RIN3: variants seen among roughly 807,000 people sequenced by gnomAD.
RIN3 encodes the protein Ras and Rab interactor 3.
RIN3 carries 54 observed loss-of-function variants against 76.3 expected under a neutral mutation model. The ratio of observed to expected loss-of-function variants is 0.71; its 90% CI spans 0.57 to 0.89. The LOEUF (loss-of-function observed/expected upper bound fraction) is 0.89, where lower values mean the gene tolerates loss of function less well. Ranked by LOEUF, RIN3 falls within the 40% of genes least tolerant of loss-of-function variation. RIN3 has a pLI of 0.00. For missense variants in RIN3, 1,256 were observed against 1,322.1 expected (o/e 0.95, Z 0.78); for synonymous variants, 576 against 564.0 (o/e 1.02, Z -0.30).
At chr14:92,552,449 TG>T (rs1897453870) in intron 1 of RIN3, among the ~76,000 whole-genome samples, 1 of 152,198 alleles carries the variant, frequency 6.6e-6, no homozygotes, top group South Asian at 2.1e-4. Context: ...TGTAGCTAGC[TG>T]GAAGCCCAGC....
At chr14:92,683,044 A>C (rs1421351719) in intron 8 of RIN3, among the ~76,000 whole-genome samples, 3 of 152,062 alleles carry the variant, frequency 2.0e-5, no homozygotes, top group Non-Finnish European at 2.9e-5. Flanking sequence ...GTGCGTGCCT[A>C]TAATCCCAGC....
intron 3 of RIN3, among the ~76,000 whole-genome samples, chr14:92,601,624 T>C (rs1034336138): frequency 1.3e-5 from 2 of 152,048 alleles, no homozygotes; most frequent in African/African-American, 2.4e-5. Context: ...GAACAAAGTG[T>C]TTTTTCTCAA....
At chr14:92,614,211 G>A (rs142117971) in intron 3 of RIN3, among the ~76,000 whole-genome samples, 7 of 152,256 alleles carry the variant, frequency 4.6e-5, no homozygotes, top group East Asian at 1.9e-4. Context: ...GGTAGCCCTC[G>A]CCCTTGGGTG....
chr14:92,526,226 C>G (rs534956700), intron 1 of RIN3, among the ~76,000 whole-genome samples: 2 of 152,252 alleles, frequency 1.3e-5, no homozygotes, highest in East Asian at 3.9e-4. Context: ...GAGGCCGAGG[C>G]AGGTGGATCA....
At chr14:92,646,891 C>T (rs1056224172) in intron 5 of RIN3, among the ~76,000 whole-genome samples, 2 of 152,198 alleles carry the variant, frequency 1.3e-5, no homozygotes, top group African/African-American at 4.8e-5. Context: ...GTTTTGGTTT[C>T]TTGCCTTCTG....
At chr14:92,560,443 C>A (rs529146119) in intron 2 of RIN3, among the ~76,000 whole-genome samples, 1 of 152,216 alleles carries the variant, frequency 6.6e-6, no homozygotes, top group Admixed American at 6.5e-5. Context: ...TAAGGAAGGG[C>A]CTGAGTGCAT....
Position 92,676,531 on chromosome 14 carries a change from A to G in RIN3, c.2392A>G (p.Ser798Gly). 4 of 1,614,148 alleles carry G rather than the reference A, an allele frequency of 2.5e-6. No individual in the cohort carries two copies. Among genetic ancestry groups the G allele is most frequent in the Non-Finnish European group, 3.4e-6 (4 of 1,180,020 alleles). Residue 798 changes from serine to glycine, a missense_variant, in exon 8 of 10, where the codon AGC becomes GGC. Around this residue, in one of 3 missense-constraint regions of RIN3, gnomAD observed 428 missense variants for 521.2 expected, o/e 0.82. Coordinates refer to ENST00000216487, the MANE Select transcript of RIN3 (RefSeq NM_024832.5). ...TGTGCTCATGTATGTGCTGGCCCGC[A>G]GCAACCTCACGGAGATGCTTCTCAA... ...LPVLMYVLAR[S>G]NLTEMLLNVE... is the part of the protein sequence containing the mutation.
At position 92,615,461 on chromosome 14, in the gene RIN3, C is replaced by T. The variant is rs769596794; in HGVS notation, c.422C>T (p.Ala141Val). The change falls in exon 4 of 10, where the codon GCG (alanine) becomes GTG (valine). Residue 141 changes from alanine to valine, a missense_variant. Ala to Val is a moderately conservative substitution (Grantham distance 64, BLOSUM62 0). This residue lies in a region of RIN3 where 610 missense variants were observed against 626.4 expected (regional missense o/e 0.97). Transcript: ENST00000216487. The part of the protein sequence containing the change: ...LVFEDIFRLI[A>V]FYCVSRDLLP... ...TTTGAGGACATCTTCAGATTGATTG[C>T]GTTCTACTGTGTCAGTAGGTGAGTA... The T allele has an allele frequency of 4.9e-5, 79 of 1,613,920 alleles. No homozygotes were observed. The highest frequency in any genetic ancestry group is 1.5e-4 in the South Asian group (14 of 91,074).
chr14:92,515,162 A>G, intron 1 of RIN3: 1 of 685,486 alleles, frequency 1.5e-6, no homozygotes, highest in Non-Finnish European at 2.7e-6. Flanking sequence ...CCATCCTGCC[A>G]GCCCGGAAAT....
rs765541980 is a variant in RIN3 at position 92,652,073 on chromosome 14, G to C, written c.1024G>C (p.Glu342Gln). Reference protein sequence around the residue: ...HPNQPPMMTCERLPCPTAGLG... With the variant: ...HPNQPPMMTCQRLPCPTAGLG... ...GAACCAGCCGCCCATGATGACCTGC[G>C]AGAGACTCCCATGCCCCACTGCAGG... Residue 342 changes from glutamate to glutamine, a missense_variant, in exon 6 of 10, where the codon GAG becomes CAG. By Grantham distance (29) the Glu-to-Gln change is conservative. Around this residue, in one of 3 missense-constraint regions of RIN3, gnomAD observed 610 missense variants for 626.4 expected, o/e 0.97. Transcript: ENST00000216487. The surrounding 1 kb of genome is among the most constrained non-coding windows in gnomAD (Gnocchi z 6.4). The C allele has an allele frequency of 6.2e-7, 1 of 1,601,960 alleles. No homozygotes were observed. Among genetic ancestry groups the C allele is most frequent in the Non-Finnish European group, 8.5e-7 (1 of 1,179,490 alleles).
chr14:92,621,965 G>A (rs1218158805), intron 4 of RIN3, among the ~76,000 whole-genome samples: 3 of 152,204 alleles, frequency 2.0e-5, no homozygotes, highest in Non-Finnish European at 2.9e-5. Context: ...CAGTTTGGTT[G>A]TTAAAGGCCA....
chr14:92,677,281 T>C (rs1888500981), intron 8 of RIN3, among the ~76,000 whole-genome samples: 1 of 152,120 alleles, frequency 6.6e-6, no homozygotes, highest in South Asian at 2.1e-4. Context: ...CCCACCCACT[T>C]AGCCTCAGCC....
chr14:92,584,988 A>G (rs891459156), intron 3 of RIN3, among the ~76,000 whole-genome samples: 4 of 152,056 alleles, frequency 2.6e-5, no homozygotes, highest in African/African-American at 9.7e-5. Context: ...TTTCCTGCCT[A>G]TTCCCCTGGC....
Position 92,687,810 on chromosome 14 carries a change from C to T in RIN3, c.2632-116C>T. On this transcript the variant is annotated intron_variant, in intron 9 of 9. Coordinates refer to ENST00000216487, the MANE Select transcript of RIN3 (RefSeq NM_024832.5). ...ACGGGAAAGGCGCAGGTGCCGGACT[C>T]GCAGACAGCTTGGCGCCCGCCACCC... 4 of 939,314 alleles carry T rather than the reference C, an allele frequency of 4.3e-6. No individual in the cohort carries two copies. The South Asian group carries it at 7.4e-5, about 17-fold the overall frequency. The allele number at this position is 939,314 out of a possible 1,614,324, so 58.2% of individuals were successfully genotyped here.
At chr14:92,619,500 C>T (rs1280001061) in intron 4 of RIN3, among the ~76,000 whole-genome samples, 3 of 141,890 alleles carry the variant, frequency 2.1e-5, no homozygotes, top group Admixed American at 7.4e-5. Context: ...AGTGCAGTGG[C>T]GCAATCTCAG....
chr14:92,593,616 A>G (rs1398225865), intron 3 of RIN3, among the ~76,000 whole-genome samples: 1 of 152,180 alleles, frequency 6.6e-6, no homozygotes, highest in African/African-American at 2.4e-5. Context: ...GGTGCAGCAC[A>G]CCAACATGGC....
At chr14:92,650,382 G>A (rs759768021) in intron 5 of RIN3, among the ~76,000 whole-genome samples, 7 of 152,186 alleles carry the variant, frequency 4.6e-5, no homozygotes, top group Non-Finnish European at 7.3e-5. Flanking sequence ...ATCAGGGGTC[G>A]GCAAGATAAC....
chr14:92,637,383 C>T (rs912321218), intron 4 of RIN3, among the ~76,000 whole-genome samples: 1 of 152,180 alleles, frequency 6.6e-6, no homozygotes, highest in East Asian at 1.9e-4. Context: ...TGACAGGAGG[C>T]GGAGCTCAGG....
intron 7 of RIN3, 59 bp downstream of exon 7, chr14:92,659,528 C>G (rs1224769433): frequency 4.1e-6 from 6 of 1,458,030 alleles, no homozygotes; most frequent in Non-Finnish European, 4.6e-6. Flanking sequence ...GGTCCATGAC[C>G]CCACCCTGAC....
Sources: allele counts gnomAD v4.1 joint callset (sites outside exome capture counted in the v4.1 genomes callset), GRCh38; gene constraint gnomAD v4.1.1; regional missense constraint gnomAD v4.1.1; non-coding constraint Gnocchi (gnomAD v3.1); transcripts MANE v1.5; gene names NCBI Gene and HGNC (gene_info 2026-07-23, HGNC 2026-07-21).